The following CACNA1D variants were observed in gnomAD, a reference collection of about 807,000 sequenced individuals.
CACNA1D encodes the protein calcium voltage-gated channel subunit alpha1 D.
CACNA1D carries 55 observed loss-of-function variants against 257.1 expected under a neutral mutation model. The observed-to-expected ratio is 0.21, with a 90% CI of 0.17 to 0.27. The LOEUF (loss-of-function observed/expected upper bound fraction) is 0.27. Among genes scored for constraint, CACNA1D ranks in the 10% least tolerant of loss-of-function variants. The pLI is 1.00. For missense variants in CACNA1D, 1,876 were observed against 2,784.0 expected (o/e 0.67, Z 7.34); for synonymous variants, 980 against 1,014.9 (o/e 0.97, Z 0.65).
At chr3:53,671,618 A>C (rs1200353859) in intron 7 of CACNA1D, among the ~76,000 whole-genome samples, 2 of 152,272 alleles carry the variant, frequency 1.3e-5, no homozygotes, top group East Asian at 3.8e-4. Context: ...TTGCCAATGT[A>C]AGATGTGCAG....
chr3:53,615,278 C>A (rs1421119949), intron 3 of CACNA1D, among the ~76,000 whole-genome samples: 1 of 152,202 alleles, frequency 6.6e-6, no homozygotes, highest in Non-Finnish European at 1.5e-5. Flanking sequence ...TGCTGTAATT[C>A]TCTATTAACC....
At chr3:53,779,407 ATG>A (rs139851282) in intron 37 of CACNA1D, among the ~76,000 whole-genome samples, 22 of 150,204 alleles carry the variant, frequency 1.5e-4, no homozygotes, top group Middle Eastern at 3.4e-3. Flanking sequence ...ATATGTATGT[ATG>A]TGTGTGTGTG....
intron 3 of CACNA1D, among the ~76,000 whole-genome samples, chr3:53,536,993 A>C (rs2092133183): frequency 6.6e-6 from 1 of 152,214 alleles, no homozygotes; most frequent in Admixed American, 6.5e-5. Context: ...ACTAATAAAG[A>C]CAGAAGAAAA....
At chr3:53,580,837 ATCTTCTCATATATG>A (rs1468125576) in intron 3 of CACNA1D, among the ~76,000 whole-genome samples, 4 of 152,202 alleles carry the variant, frequency 2.6e-5, no homozygotes, top group African/African-American at 9.6e-5. Context: ...AGTTCTCAAA[ATCTTCTCATATATG>A]TCTGTGCATA....
intron 5 of CACNA1D, among the ~76,000 whole-genome samples, chr3:53,664,355 G>T (rs1559485338): frequency 6.6e-6 from 1 of 152,078 alleles, no homozygotes. Context: ...GTCTCATCCT[G>T]ATCTTCACCC....
chr3:53,768,181 G>A (rs916644660), intron 30 of CACNA1D, among the ~76,000 whole-genome samples: 6 of 152,236 alleles, frequency 3.9e-5, no homozygotes, highest in African/African-American at 1.2e-4. Flanking sequence ...GGAGAGGCCC[G>A]CAGGAGGGTC....
chr3:53,654,382 A>G (rs1165429630), intron 4 of CACNA1D, among the ~76,000 whole-genome samples: 1 of 152,234 alleles, frequency 6.6e-6, no homozygotes, highest in African/African-American at 2.4e-5. Flanking sequence ...TATAGCTTCT[A>G]TAGAAATAAA....
intron 37 of CACNA1D, 58 bp downstream of exon 37, chr3:53,777,014 C>G: frequency 1.5e-6 from 2 of 1,311,496 alleles, no homozygotes; most frequent in Non-Finnish European, 2.2e-6. Flanking sequence ...CTTCATTTAA[C>G]AAACACTTGT....
At chr3:53,792,350 C>T (rs1280342962) in intron 40 of CACNA1D, 1 of 152,192 alleles carries the variant, frequency 6.6e-6, no homozygotes, top group Non-Finnish European at 1.5e-5. Flanking sequence ...GAGCCCAAGA[C>T]ACCCAAAGTG....
intron 45 of CACNA1D, among the ~76,000 whole-genome samples, chr3:53,806,778 TAA>T (rs1414836983): frequency 6.6e-6 from 1 of 152,158 alleles, no homozygotes; most frequent in Admixed American, 6.6e-5. Flanking sequence ...GGTTAATATT[TAA>T]TTCCTCAGCC....
In CACNA1D at chr3:53,671,475, A is replaced by G. The variant is rs929419893; in HGVS notation, c.1117-1548A>G. Among the ~76,000 whole-genome samples, 4 of 152,274 alleles carry G rather than the reference A, an allele frequency of 2.6e-5. No individual in the cohort carries two copies. The East Asian group carries it at 7.7e-4, about 29-fold the overall frequency. ...CAGGCAGCCAGTTCCTTCTTCATAT[A>G]TGGGTTTTTCAGTAAGTTTAGTGGT... On this transcript the variant is annotated intron_variant, in intron 7 of 47. Coordinates refer to ENST00000350061, the MANE Select transcript of CACNA1D (RefSeq NM_001128840.3).
At position 53,793,991 on chromosome 3, in the gene CACNA1D, A is replaced by G. The variant is rs2095496409; in HGVS notation, c.4924-6258A>G. On this transcript the variant is annotated intron_variant, in intron 40 of 47. Coordinates refer to ENST00000350061, the MANE Select transcript of CACNA1D (RefSeq NM_001128840.3). This position sits in a 1 kb window ranked among gnomAD's most constrained non-coding sequence, Gnocchi z 4.1. The stretch of plus-strand genomic sequence containing the variant: ...CTGGATAGAAGATGAGAGGCAGGCC[A>G]GTATACATTGTAGGGAGGCTCTTCT... Among the ~76,000 whole-genome samples, 1 of 152,228 alleles carries G rather than the reference A, an allele frequency of 6.6e-6. No homozygotes were observed. The highest frequency in any genetic ancestry group is 1.5e-5 in the Non-Finnish European group (1 of 68,036).
chr3:53,682,383 A>C (rs952446732), intron 8 of CACNA1D, among the ~76,000 whole-genome samples: 30 of 147,104 alleles, frequency 2.0e-4, no homozygotes, highest in African/African-American at 6.8e-4. Flanking sequence ...AAAAAAAAAA[A>C]AAAAAAAAAA....
In CACNA1D at chr3:53,587,904, C is replaced by T. The variant is rs183679153; in HGVS notation, c.484-62875C>T. Among the ~76,000 whole-genome samples, 158 of 152,192 alleles carry T rather than the reference C, an allele frequency of 1.0e-3. 2 individuals carry two copies. Among genetic ancestry groups the T allele is most frequent in the Middle Eastern group, 6.8e-3 (2 of 292 alleles). Reference sequence around the variant, plus strand: ...ATCTCAGAACTCACGGTTGGTTGTACGAATGCTGGTTCCTGGTCTCTGTAG... The same window carrying T: ...ATCTCAGAACTCACGGTTGGTTGTATGAATGCTGGTTCCTGGTCTCTGTAG... On this transcript the variant is annotated intron_variant, in intron 3 of 47. Coordinates refer to ENST00000350061, the MANE Select transcript of CACNA1D (RefSeq NM_001128840.3).
At position 53,495,376 on chromosome 3, in the gene CACNA1D, G is replaced by T; in HGVS notation, c.67+143G>T. ...GCTCGGTGTCGTCTACACAGAGAGGGGACATGCGTGACAGCCACTCCGCGC... is the reference window on the plus strand; with the variant it reads ...GCTCGGTGTCGTCTACACAGAGAGGTGACATGCGTGACAGCCACTCCGCGC... On this transcript the variant is annotated intron_variant, in intron 1 of 47. Coordinates refer to ENST00000350061, the MANE Select transcript of CACNA1D (RefSeq NM_001128840.3). The surrounding 1 kb of genome is among the most constrained non-coding windows in gnomAD (Gnocchi z 5.1). The T allele has an allele frequency of 2.2e-6, 2 of 924,794 alleles. No individual in the cohort carries two copies. Among genetic ancestry groups the T allele is most frequent in the East Asian group, 5.0e-5 (2 of 39,868 alleles). The allele number at this position is 924,794 out of a possible 1,614,324, so 57.3% of individuals were successfully genotyped here.
chr3:53,729,031 T>C (rs2094962602), intron 15 of CACNA1D, among the ~76,000 whole-genome samples: 1 of 152,148 alleles, frequency 6.6e-6, no homozygotes, highest in South Asian at 2.1e-4. Flanking sequence ...ACTAGAGAGA[T>C]TATTGTTTCT....
intron 7 of CACNA1D, among the ~76,000 whole-genome samples, chr3:53,671,235 G>A (rs1315592104): frequency 1.3e-5 from 2 of 152,216 alleles, no homozygotes; most frequent in South Asian, 2.1e-4. Flanking sequence ...GCCTGAAGGA[G>A]GGTTGGTGAA....
At chr3:53,733,948 GTGTGTA>G (rs1310876676) in intron 19 of CACNA1D, among the ~76,000 whole-genome samples, 72 of 135,230 alleles carry the variant, frequency 5.3e-4, no homozygotes, top group East Asian at 1.2e-3. Flanking sequence ...GTGTGTGTGT[GTGTGTA>G]TGTATGTATG....
chr3:53,645,622 C>T (rs1234126610), intron 3 of CACNA1D, among the ~76,000 whole-genome samples: 2 of 152,134 alleles, frequency 1.3e-5, no homozygotes, highest in African/African-American at 4.8e-5. Flanking sequence ...GATCAGTTGA[C>T]CATAAATGCC....
Sources: allele counts gnomAD v4.1 joint callset (sites outside exome capture counted in the v4.1 genomes callset), GRCh38; gene constraint gnomAD v4.1.1; non-coding constraint Gnocchi (gnomAD v3.1); transcripts MANE v1.5; gene names NCBI Gene and HGNC (gene_info 2026-07-23, HGNC 2026-07-21).